The following KAZN variants were observed in gnomAD, a reference collection of about 807,000 sequenced individuals.
The protein encoded by KAZN is kazrin, periplakin interacting protein.
Under a neutral mutation model 87.4 loss-of-function variants are expected in KAZN, and 40 were observed. The ratio of observed to expected loss-of-function variants is 0.46; its 90% CI spans 0.36 to 0.60. The LOEUF (loss-of-function observed/expected upper bound fraction) is 0.60, where lower values mean the gene tolerates loss of function less well. Ranked by LOEUF, KAZN falls within the 20% of genes least tolerant of loss-of-function variation. KAZN has a pLI of 0.00. For synonymous variants in KAZN, 466 were observed against 458.3 expected (o/e 1.02, Z -0.22); for missense variants, 898 against 1,073.9 (o/e 0.84, Z 2.29).
At chr1:14,714,567 T>A (rs1275080006) in intron 1 of KAZN, among the ~76,000 whole-genome samples, 1 of 152,048 alleles carries the variant, frequency 6.6e-6, no homozygotes, top group African/African-American at 2.4e-5. Context: ...TGCTAATGCG[T>A]TGCTCTTCCC....
At chr1:13,990,708 C>G (rs1318658353) in intron 1 of KAZN, among the ~76,000 whole-genome samples, 1 of 152,162 alleles carries the variant, frequency 6.6e-6, no homozygotes, top group Non-Finnish European at 1.5e-5. Context: ...AAAATCTGAA[C>G]TTAATCATAA....
At chr1:13,969,329 G>T (rs10927970) in intron 1 of KAZN, among the ~76,000 whole-genome samples, 13,807 of 152,174 alleles carry the variant, frequency 0.091, 835 homozygotes, top group Middle Eastern at 0.14. Flanking sequence ...GAATAGTGTG[G>T]GCTCTTAATC....
intron 1 of KAZN, among the ~76,000 whole-genome samples, chr1:14,727,999 A>T (rs1643485207): frequency 6.6e-6 from 1 of 151,768 alleles, no homozygotes; most frequent in Non-Finnish European, 1.5e-5. Flanking sequence ...TGAGAATCTA[A>T]TGCTGGCCGG....
At chr1:13,918,461 GGTTTA>G (rs1639941099) in intron 1 of KAZN, among the ~76,000 whole-genome samples, 2 of 152,110 alleles carry the variant, frequency 1.3e-5, no homozygotes, top group Non-Finnish European at 2.9e-5. Context: ...CTTCTTAAGT[GGTTTA>G]TTGAGATGGA....
chr1:14,494,808 G>T (rs554077414), intron 2 of KAZN, among the ~76,000 whole-genome samples: 20 of 152,296 alleles, frequency 1.3e-4, no homozygotes, highest in African/African-American at 4.8e-4. Flanking sequence ...AAATTAAAAT[G>T]CATTCGGTGC....
chr1:14,140,797 A>G (rs1351238066), intron 1 of KAZN, among the ~76,000 whole-genome samples: 1 of 152,162 alleles, frequency 6.6e-6, no homozygotes, highest in Non-Finnish European at 1.5e-5. Flanking sequence ...TCTAAGGACA[A>G]GCAGCCTGAG....
intron 1 of KAZN, among the ~76,000 whole-genome samples, chr1:13,922,977 G>A (rs1255493405): frequency 6.6e-6 from 1 of 152,204 alleles, no homozygotes; most frequent in Middle Eastern, 3.2e-3. Flanking sequence ...GCACAGGTCA[G>A]AAGGACAGCT....
chr1:13,916,368 G>A (rs761036880), intron 1 of KAZN, among the ~76,000 whole-genome samples: 44 of 152,028 alleles, frequency 2.9e-4, no homozygotes, highest in African/African-American at 7.3e-4. Context: ...GTCTGTGTCC[G>A]AGACCCCTGC....
chr1:14,532,412 T>G (rs977795371), intron 2 of KAZN, among the ~76,000 whole-genome samples: 9 of 151,966 alleles, frequency 5.9e-5, no homozygotes, highest in African/African-American at 2.2e-4. Flanking sequence ...AGGGCAATGA[T>G]TGTCATTATG....
chr1:14,448,032 G>T (rs1667079244), intron 2 of KAZN, among the ~76,000 whole-genome samples: 1 of 152,170 alleles, frequency 6.6e-6, no homozygotes, highest in Non-Finnish European at 1.5e-5. Flanking sequence ...AAGTAAACAG[G>T]ATACCCACTC....
intron 2 of KAZN, among the ~76,000 whole-genome samples, chr1:14,363,562 G>GA (rs1659699971): frequency 6.6e-6 from 1 of 152,172 alleles, no homozygotes; most frequent in Non-Finnish European, 1.5e-5. Context: ...CTGTCTTAGT[G>GA]AAAAATAATA....
intron 2 of KAZN, among the ~76,000 whole-genome samples, chr1:14,401,098 A>G (rs1314979743): frequency 1.3e-5 from 2 of 152,188 alleles, no homozygotes; most frequent in African/African-American, 4.8e-5. Flanking sequence ...TGGGTTTTCA[A>G]AGGGGATAAG....
intron 1 of KAZN, among the ~76,000 whole-genome samples, chr1:14,650,145 G>A (rs1184558821): frequency 1.3e-5 from 2 of 150,910 alleles, no homozygotes; most frequent in South Asian, 2.1e-4. Context: ...CTGTATTTAT[G>A]GGTGTGGGTA....
At chr1:14,942,927 C>T (rs1005792224) in intron 1 of KAZN, among the ~76,000 whole-genome samples, 1 of 151,496 alleles carries the variant, frequency 6.6e-6, no homozygotes, top group Non-Finnish European at 1.5e-5. Flanking sequence ...GGTGAAAATT[C>T]GGCATCGCCC....
chr1:14,155,134 T>C (rs1407514097), intron 1 of KAZN, among the ~76,000 whole-genome samples: 1 of 152,204 alleles, frequency 6.6e-6, no homozygotes, highest in East Asian at 1.9e-4. Context: ...AAATGTTTGA[T>C]AGAATTCAGC....
At chr1:14,574,220 T>C (rs6658024) in intron 2 of KAZN, among the ~76,000 whole-genome samples, 53,016 of 151,834 alleles carry the variant, frequency 0.35, 9,370 homozygotes, top group Middle Eastern at 0.41. Context: ...CTTGGGGAAG[T>C]TGAACTTCAT....
chr1:14,965,987 T>G (rs545489924), intron 2 of KAZN, among the ~76,000 whole-genome samples: 1 of 149,914 alleles, frequency 6.7e-6, no homozygotes, highest in Non-Finnish European at 1.5e-5. Flanking sequence ...CTTTTCTTTT[T>G]TTTTTTTTTT....
chr1:14,453,045 T>C (rs180800452), intron 2 of KAZN, among the ~76,000 whole-genome samples: 1,525 of 152,256 alleles, frequency 0.01, 21 homozygotes, highest in African/African-American at 0.034. Flanking sequence ...AAGCTCTGCC[T>C]CCCGGGTTTA....
intron 2 of KAZN, among the ~76,000 whole-genome samples, chr1:14,963,070 A>G (rs558906631): frequency 2.2e-4 from 33 of 152,284 alleles, no homozygotes; most frequent in African/African-American, 7.7e-4. Context: ...CATAATGTAC[A>G]TCCTCCTCCC....
Sources: allele counts gnomAD v4.1 joint callset (sites outside exome capture counted in the v4.1 genomes callset), GRCh38; gene constraint gnomAD v4.1.1; transcripts MANE v1.5; gene names NCBI Gene and HGNC (gene_info 2026-07-23, HGNC 2026-07-21).